The following CXCL13 variants were observed in gnomAD, a reference collection of about 807,000 sequenced individuals.
The protein encoded by CXCL13 is C-X-C motif chemokine 13.
A neutral mutation model predicts 12.2 loss-of-function variants in CXCL13; 7 were observed. The observed-to-expected ratio is 0.57, with a 90% CI of 0.33 to 1.07. CXCL13 has a LOEUF of 1.07. CXCL13 is among the 50% of genes least tolerant of loss of function. The probability of loss-of-function intolerance (pLI) is 0.04; values close to 1 mark genes in which losing one functional copy is unlikely to be tolerated. For missense variants in CXCL13, 113 were observed against 127.4 expected (o/e 0.89, Z 0.55); for synonymous variants, 47 against 42.4 (o/e 1.11, Z -0.42).
At chr4:77,583,695 C>T (rs115360061) in intron 1 of CXCL13, among the ~76,000 whole-genome samples, 2,562 of 152,232 alleles carry the variant, frequency 0.017, 33 homozygotes, top group South Asian at 0.056. Flanking sequence ...AAACAGCACA[C>T]AAATTCTTAT....
chr4:77,566,598 G>C (rs1264055260), intron 1 of CXCL13, among the ~76,000 whole-genome samples: 1 of 151,824 alleles, frequency 6.6e-6, no homozygotes. Context: ...CAAAATGTGA[G>C]TATTGAGGCT....
At chr4:77,548,602 A>C (rs1725433553) in intron 1 of CXCL13, among the ~76,000 whole-genome samples, 1 of 152,176 alleles carries the variant, frequency 6.6e-6, no homozygotes, top group African/African-American at 2.4e-5. Flanking sequence ...GTGAGTACTA[A>C]CCGAATTCCT....
intron 1 of CXCL13, among the ~76,000 whole-genome samples, chr4:77,519,403 A>G (rs2903244): frequency 2.0e-3 from 308 of 152,270 alleles, no homozygotes; most frequent in African/African-American, 6.7e-3. Flanking sequence ...CTATTCGGCC[A>G]TCTTGGCTCC....
intron 1 of CXCL13, among the ~76,000 whole-genome samples, chr4:77,523,314 G>C (rs1180427065): frequency 6.6e-6 from 1 of 152,146 alleles, no homozygotes; most frequent in African/African-American, 2.4e-5. Flanking sequence ...TTTCCAACTT[G>C]GTTCCATTCT....
intron 1 of CXCL13, among the ~76,000 whole-genome samples, chr4:77,546,560 G>T (rs983438949): frequency 6.6e-6 from 1 of 152,110 alleles, no homozygotes; most frequent in African/African-American, 2.4e-5. Flanking sequence ...ATTCTCTGAT[G>T]GTAGTTTGTA....
In CXCL13 at chr4:77,608,884, C is replaced by T. The variant is rs149355673; in HGVS notation, c.197+1049C>T. ...CCCCCTTCTTTTGATTCCATTTCCT[C>T]TGTCATGACTGGTCTCTTGCCTGTC... On this transcript the variant is annotated intron_variant, in intron 2 of 3. Transcript: ENST00000682537. Among the ~76,000 whole-genome samples the T allele has an allele frequency of 7.9e-5, 12 of 152,336 alleles. 1 individual carries two copies. In the East Asian group the frequency reaches 2.3e-3, roughly 29 times the overall value.
intron 1 of CXCL13, among the ~76,000 whole-genome samples, chr4:77,545,733 C>T (rs186715853): frequency 1.3e-5 from 2 of 152,260 alleles, no homozygotes; most frequent in Non-Finnish European, 2.9e-5. Context: ...ATTGAATACC[C>T]TTTATTTCTT....
At chr4:77,559,954 G>A (rs557787467) in intron 1 of CXCL13, among the ~76,000 whole-genome samples, 1 of 147,666 alleles carries the variant, frequency 6.8e-6, no homozygotes, top group African/African-American at 2.5e-5. Flanking sequence ...GACGCTCAAT[G>A]TGCTTTCCAA....
intron 1 of CXCL13, among the ~76,000 whole-genome samples, chr4:77,569,588 A>C (rs931537412): frequency 6.6e-6 from 1 of 152,198 alleles, no homozygotes; most frequent in East Asian, 1.9e-4. Context: ...AGATTTCTAC[A>C]AGGAGACCTA....
chr4:77,599,614 A>G (rs1033465461), intron 1 of CXCL13, among the ~76,000 whole-genome samples: 19 of 152,200 alleles, frequency 1.2e-4, no homozygotes, highest in Admixed American at 7.9e-4. Flanking sequence ...AAGTGATTGC[A>G]AAGAGTCCTC....
rs1234364102 is a variant in CXCL13 at position 77,569,596 on chromosome 4, C to T, written c.-42-36228C>T. 5.3e-5 allele frequency among the ~76,000 whole-genome samples: 8 copies of T among 152,220 alleles called. No individual in the cohort carries two copies. In the South Asian group the frequency reaches 1.0e-3, roughly 20 times the overall value. ...AGGTGAAAGATTTCTACAAGGAGACCTACAAGATACTGCTCAGAGAAATCA... is the reference window on the plus strand; with the variant it reads ...AGGTGAAAGATTTCTACAAGGAGACTTACAAGATACTGCTCAGAGAAATCA... On this transcript the variant is annotated intron_variant, in intron 1 of 4. Coordinates refer to the CXCL13 transcript ENST00000286758.
chr4:77,517,874 C>T (rs1015334724), intron 1 of CXCL13, among the ~76,000 whole-genome samples: 55 of 152,164 alleles, frequency 3.6e-4, no homozygotes, highest in South Asian at 8.3e-4. Context: ...TTATTTTGCT[C>T]GTCAGTTGAT....
intron 1 of CXCL13, among the ~76,000 whole-genome samples, chr4:77,527,186 C>G (rs1417087590): frequency 1.5e-4 from 23 of 152,016 alleles, no homozygotes; most frequent in Admixed American, 1.4e-3. Context: ...AATAAAACCA[C>G]AAAATGTAGC....
At chr4:77,558,898 G>A (rs895108414) in intron 1 of CXCL13, among the ~76,000 whole-genome samples, 3 of 152,140 alleles carry the variant, frequency 2.0e-5, no homozygotes, top group Non-Finnish European at 4.4e-5. Flanking sequence ...TTCTTCTTAT[G>A]CTACTAAGGA....
At chr4:77,548,738 C>A (rs1194283003) in intron 1 of CXCL13, among the ~76,000 whole-genome samples, 1 of 152,202 alleles carries the variant, frequency 6.6e-6, no homozygotes, top group Non-Finnish European at 1.5e-5. Context: ...TTGTGGGTAA[C>A]CCGACCTTTC....
intron 1 of CXCL13, among the ~76,000 whole-genome samples, chr4:77,554,663 C>T (rs1725618804): frequency 6.6e-6 from 1 of 152,000 alleles, no homozygotes; most frequent in Admixed American, 6.6e-5. Flanking sequence ...TTTTCAGATG[C>T]ACATGGAACA....
chr4:77,547,514 G>T (rs1322842436), intron 1 of CXCL13, among the ~76,000 whole-genome samples: 1 of 152,030 alleles, frequency 6.6e-6, no homozygotes, highest in Non-Finnish European at 1.5e-5. Context: ...TTTGATCTTT[G>T]TTGGTTTAAA....
chr4:77,607,898 C>A (rs375779871), intron 2 of CXCL13, 63 bp downstream of exon 2: 3 of 1,503,194 alleles, frequency 2.0e-6, no homozygotes, highest in South Asian at 2.3e-5. Context: ...TCAAATGTTA[C>A]CATACAGTAG....
At chr4:77,512,392 T>G (rs1724297954) in intron 1 of CXCL13, among the ~76,000 whole-genome samples, 1 of 152,208 alleles carries the variant, frequency 6.6e-6, no homozygotes. Flanking sequence ...AGAGCTTCCA[T>G]AGCACAGTAA....
Sources: gnomAD v4.1 joint callset for allele counts (sites outside exome capture counted in the v4.1 genomes callset) on GRCh38, gnomAD v4.1.1 for gene constraint, MANE v1.5 for transcripts, NCBI Gene and HGNC (gene_info 2026-07-23, HGNC 2026-07-21) for gene names.